Variants in GALNT1 observed in about 807,000 individuals in gnomAD.
GALNT1 encodes polypeptide N-acetylgalactosaminyltransferase 1.
Under a neutral mutation model 65.7 loss-of-function variants are expected in GALNT1, and 17 were observed. The observed-to-expected ratio is 0.26, with a 90% confidence interval of 0.18 to 0.39. The LOEUF (loss-of-function observed/expected upper bound fraction) is 0.39. Ranked by LOEUF, GALNT1 falls within the 10% of genes least tolerant of loss-of-function variation. GALNT1 has a pLI of 1.00. For missense variants in GALNT1, 460 were observed against 672.8 expected, an observed-to-expected ratio of 0.68 and a Z score of 3.50; for synonymous variants, 210 against 219.7, an observed-to-expected ratio of 0.96 and a Z score of 0.39.
chr18:35,593,285 G>A (rs997853302), intron 1 of GALNT1, among the ~76,000 whole-genome samples: 3 of 152,212 alleles, frequency 2.0e-5, no homozygotes, highest in Admixed American at 1.3e-4. Flanking sequence ...TGCTGAACAG[G>A]CAGGAGGGTG....
intron 1 of GALNT1, among the ~76,000 whole-genome samples, chr18:35,631,376 T>C (rs1226687501): frequency 1.3e-5 from 2 of 152,124 alleles, no homozygotes; most frequent in African/African-American, 4.8e-5. Flanking sequence ...GTGGGCTTCA[T>C]CCCTGGGATG....
chr18:35,630,462 A>G (rs1456794506), intron 1 of GALNT1, among the ~76,000 whole-genome samples: 1 of 152,236 alleles, frequency 6.6e-6, no homozygotes, highest in Non-Finnish European at 1.5e-5. Flanking sequence ...TACTGGGTAC[A>G]TAATGAAATG....
At chr18:35,706,521 T>A (rs541378643) in intron 11 of GALNT1, among the ~76,000 whole-genome samples, 209 of 151,742 alleles carry the variant, frequency 1.4e-3, no homozygotes, top group African/African-American at 4.2e-3. Flanking sequence ...AATTAAATTT[T>A]AAAAAAAAGA....
intron 9 of GALNT1, among the ~76,000 whole-genome samples, chr18:35,695,719 G>A (rs1040683882): frequency 1.3e-5 from 2 of 152,172 alleles, no homozygotes; most frequent in Admixed American, 6.5e-5. Flanking sequence ...ACAAGTGAGG[G>A]CTACATTGAG....
chr18:35,622,645 T>C (rs1277742869), intron 1 of GALNT1, among the ~76,000 whole-genome samples: 1 of 152,228 alleles, frequency 6.6e-6, no homozygotes, highest in Non-Finnish European at 1.5e-5. Context: ...GTTCTTGTTC[T>C]AATTGTCTTT....
At chr18:35,690,900 A>C in intron 7 of GALNT1, 112 bp from the exon 8 acceptor site, 1 of 999,078 alleles carries the variant, frequency 1.0e-6, no homozygotes, top group South Asian at 2.0e-5. Context: ...TTTAAGTTTA[A>C]ACAAAAGCCA....
At chr18:35,600,870 G>A (rs569090326) in intron 1 of GALNT1, among the ~76,000 whole-genome samples, 3 of 152,090 alleles carry the variant, frequency 2.0e-5, no homozygotes, top group East Asian at 1.9e-4. Flanking sequence ...TGCATATTAC[G>A]TTCATCAGGG....
chr18:35,687,988 C>A (rs2047894863), intron 6 of GALNT1, among the ~76,000 whole-genome samples: 1 of 152,100 alleles, frequency 6.6e-6, no homozygotes, highest in Admixed American at 6.6e-5. Flanking sequence ...TTTTCCTTAG[C>A]CTGAGTTCTT....
At chr18:35,648,962 A>G (rs902117819) in intron 1 of GALNT1, among the ~76,000 whole-genome samples, 1 of 152,200 alleles carries the variant, frequency 6.6e-6, no homozygotes, top group African/African-American at 2.4e-5. Context: ...TTGTATAAAT[A>G]TAGTGCAATT....
chr18:35,690,041 T>G (rs2047933492), intron 7 of GALNT1, among the ~76,000 whole-genome samples: 1 of 152,156 alleles, frequency 6.6e-6, no homozygotes, highest in Non-Finnish European at 1.5e-5. Flanking sequence ...TGGGAAAACT[T>G]GAAGGTAGGA....
At chr18:35,684,258 G>A (rs960313286) in intron 5 of GALNT1, among the ~76,000 whole-genome samples, 9 of 152,176 alleles carry the variant, frequency 5.9e-5, no homozygotes, top group African/African-American at 2.2e-4. Flanking sequence ...TTAGATTTTA[G>A]TGGAGTGAAC....
intron 1 of GALNT1, among the ~76,000 whole-genome samples, chr18:35,624,005 C>G (rs184272480): frequency 1.3e-5 from 2 of 152,238 alleles, no homozygotes; most frequent in African/African-American, 4.8e-5. Context: ...CCTCAATTCT[C>G]TCTTCTCTTA....
intron 1 of GALNT1, among the ~76,000 whole-genome samples, chr18:35,593,905 T>TC (rs2046474413): frequency 6.6e-6 from 1 of 151,964 alleles, no homozygotes; most frequent in South Asian, 2.1e-4. Flanking sequence ...GACGGGGGTT[T>TC]CATCATGTTG....
intron 9 of GALNT1, among the ~76,000 whole-genome samples, chr18:35,693,072 G>T (rs2047994262): frequency 6.6e-6 from 1 of 152,184 alleles, no homozygotes; most frequent in East Asian, 1.9e-4. Flanking sequence ...TATGTCAGGT[G>T]GTGGTAAGGG....
chr18:35,635,142 T>C (rs754552753), intron 1 of GALNT1, among the ~76,000 whole-genome samples: 2 of 152,074 alleles, frequency 1.3e-5, no homozygotes, highest in Non-Finnish European at 2.9e-5. Flanking sequence ...AGAAGGTAAA[T>C]GGTAGAGTGG....
upstream of GALNT1, chr18:35,581,670 CGGA>C (rs1325284031): frequency 9.0e-5 from 3 of 33,212 alleles, no homozygotes; most frequent in East Asian, 3.9e-3. Flanking sequence ...GAGCCGGGCG[CGGA>C]GGCGGGGGCG....
At chr18:35,623,026 C>T (rs1199942025) in intron 1 of GALNT1, among the ~76,000 whole-genome samples, 1 of 152,104 alleles carries the variant, frequency 6.6e-6, no homozygotes, top group Non-Finnish European at 1.5e-5. Flanking sequence ...ATCACATCTT[C>T]ATATTAATAA....
chr18:35,607,351 T>G (rs2046663152), intron 1 of GALNT1, among the ~76,000 whole-genome samples: 1 of 152,088 alleles, frequency 6.6e-6, no homozygotes, highest in Non-Finnish European at 1.5e-5. Flanking sequence ...GGGTCCTTGG[T>G]GGGGCCTTGT....
intron 1 of GALNT1, among the ~76,000 whole-genome samples, chr18:35,645,516 T>C (rs77183566): frequency 0.1 from 15,451 of 152,142 alleles, 1,004 homozygotes; most frequent in African/African-American, 0.19. Flanking sequence ...AGGCGTGAGC[T>C]GCCGCACCTG....
Sources: allele counts gnomAD v4.1 joint callset (sites outside exome capture counted in the v4.1 genomes callset), GRCh38; gene constraint gnomAD v4.1.1; transcripts MANE v1.5; gene names NCBI Gene and HGNC (gene_info 2026-07-23, HGNC 2026-07-21).